The following SPMIP10 variants were observed in gnomAD, a reference collection of about 807,000 sequenced individuals.
SPMIP10 encodes sperm-associated microtubule inner protein 10.
chr5:126,635,103 G>GGCTGCAGTGAGCTATGATT, the SPMIP10 span, among the ~76,000 whole-genome samples: 2 of 151,302 alleles, frequency 1.3e-5, no homozygotes, highest in Non-Finnish European at 2.9e-5. Flanking sequence ...AGGAGTTCCA[G>GGCTGCAGTGAGCTATGATT]GCTGCAGTGA....
chr5:126,632,058 C>T, the SPMIP10 span, among the ~76,000 whole-genome samples: 6 of 151,502 alleles, frequency 4.0e-5, no homozygotes, highest in Admixed American at 1.3e-4. Flanking sequence ...TTTAGGCAGT[C>T]GGTAGGCCTG....
At chr5:126,635,992 A>T in the SPMIP10 span, 1 of 1,482,804 alleles carries the variant, frequency 6.7e-7, no homozygotes, top group Non-Finnish European at 9.4e-7. Context: ...CAAGAAAATG[A>T]TGTTTGATGT....
At chr5:126,634,984 G>A in the SPMIP10 span, among the ~76,000 whole-genome samples, 3 of 151,796 alleles carry the variant, frequency 2.0e-5, no homozygotes, top group Non-Finnish European at 2.9e-5. Context: ...ACCAGCCAGA[G>A]CAACATAGCG....
At chr5:126,636,000 T>A in the SPMIP10 span, 1 of 1,521,446 alleles carries the variant, frequency 6.6e-7, no homozygotes, top group East Asian at 2.3e-5. Context: ...TGATGTTTGA[T>A]GTGATACACA....
chr5:126,632,946 C>A, the SPMIP10 span, among the ~76,000 whole-genome samples: 10,473 of 149,434 alleles, frequency 0.07, 402 homozygotes, highest in Middle Eastern at 0.16. Flanking sequence ...AAGATTGCGC[C>A]ACTGCAATCT....
the SPMIP10 span, chr5:126,632,688 A>T: frequency 8.0e-7 from 1 of 1,243,718 alleles, no homozygotes; most frequent in Non-Finnish European, 1.2e-6. Context: ...AGGAAAAAAA[A>T]CAAAAACAAA....
At chr5:126,635,386 C>G in the SPMIP10 span, among the ~76,000 whole-genome samples, 28 of 151,976 alleles carry the variant, frequency 1.8e-4, no homozygotes, top group Non-Finnish European at 3.1e-4. Context: ...GTTGGCAAAG[C>G]TTTTTCATTC....
the SPMIP10 span, chr5:126,632,458 G>A: frequency 2.1e-5 from 16 of 757,606 alleles, no homozygotes; most frequent in Admixed American, 2.9e-4. Flanking sequence ...GACCAAACAT[G>A]AATGCACAAC....
chr5:126,635,171 A>AATATATATAT, the SPMIP10 span, among the ~76,000 whole-genome samples: 1,767 of 140,110 alleles, frequency 0.013, 29 homozygotes, highest in East Asian at 0.069. Flanking sequence ...CCGTCTGTGA[A>AATATATATAT]ATATATATAT....
the SPMIP10 span, chr5:126,636,267 G>A: frequency 6.4e-7 from 1 of 1,562,988 alleles, no homozygotes; most frequent in African/African-American, 1.4e-5. Flanking sequence ...ATAATAAAGT[G>A]TTTCAATCTC....
the SPMIP10 span, among the ~76,000 whole-genome samples, chr5:126,634,701 T>A: frequency 6.6e-6 from 1 of 152,206 alleles, no homozygotes; most frequent in Admixed American, 6.6e-5. Flanking sequence ...GCTATTTTAC[T>A]TTTGCAATTT....
chr5:126,631,799 G>C, the SPMIP10 span: 1 of 1,610,582 alleles, frequency 6.2e-7, no homozygotes, highest in Non-Finnish European at 8.5e-7. Context: ...TCTGATGAGA[G>C]TCTCTATAAA....
the SPMIP10 span, among the ~76,000 whole-genome samples, chr5:126,634,008 G>A: frequency 4.6e-5 from 7 of 152,126 alleles, no homozygotes; most frequent in Admixed American, 1.3e-4. Context: ...GTAAAATGCC[G>A]CAGCCACTGT....
At chr5:126,636,149 G>C in the SPMIP10 span, 2 of 1,614,136 alleles carry the variant, frequency 1.2e-6, no homozygotes, top group Non-Finnish European at 1.7e-6. Context: ...AGGCCCACCA[G>C]AAATAAAAAT....
chr5:126,631,888 G>A, the SPMIP10 span: 5 of 941,372 alleles, frequency 5.3e-6, no homozygotes, highest in Admixed American at 1.9e-5. Flanking sequence ...ACAAAGATAC[G>A]GTCAATAACT....
the SPMIP10 span, among the ~76,000 whole-genome samples, chr5:126,633,008 C>CATATATATATAT: frequency 0.019 from 2,387 of 125,190 alleles, 57 homozygotes; most frequent in African/African-American, 0.035. Flanking sequence ...ATAAATTTTA[C>CATATATATATAT]ATATATATAT....
At chr5:126,636,053 C>A in the SPMIP10 span, 1 of 1,613,760 alleles carries the variant, frequency 6.2e-7, no homozygotes, top group Non-Finnish European at 8.5e-7. Context: ...GTGTGGGATC[C>A]ATACTGGCCC....
the SPMIP10 span, among the ~76,000 whole-genome samples, chr5:126,632,984 C>G: frequency 7.7e-6 from 1 of 129,234 alleles, no homozygotes; most frequent in East Asian, 2.0e-4. Flanking sequence ...TAGACTCTGT[C>G]TCTAAATAAA....
the SPMIP10 span, among the ~76,000 whole-genome samples, chr5:126,632,853 G>A: frequency 6.6e-6 from 1 of 151,748 alleles, no homozygotes; most frequent in African/African-American, 2.4e-5. Context: ...TGGGCATGGT[G>A]GCGGGCAGTT....
Sources: gnomAD v4.1 joint callset for allele counts (sites outside exome capture counted in the v4.1 genomes callset) on GRCh38, gnomAD v4.1.1 for gene constraint, MANE v1.5 for transcripts, NCBI Gene and HGNC (gene_info 2026-07-23, HGNC 2026-07-21) for gene names.